IL31RA: variants seen among roughly 807,000 people sequenced by gnomAD.
IL31RA encodes interleukin-31 receptor subunit alpha.
A neutral mutation model predicts 83.7 loss-of-function variants in IL31RA; 66 were observed. The observed-to-expected ratio is 0.79, with a 90% CI of 0.65 to 0.97. The LOEUF is 0.97. Among genes scored for constraint, IL31RA ranks in the 50% least tolerant of loss-of-function variants. The pLI is 0.00. For missense variants in IL31RA, 798 were observed against 919.4 expected (o/e 0.87, Z 1.71); for synonymous variants, 325 against 329.0 (o/e 0.99, Z 0.13).
In IL31RA at chr5:55,907,380, G is replaced by C. The variant is rs918754069; in HGVS notation, c.1274G>C (p.Cys425Ser). 1 of 1,612,740 alleles carries C rather than the reference G, an allele frequency of 6.2e-7. No individual in the cohort carries two copies. Among genetic ancestry groups the C allele is most frequent in the Non-Finnish European group, 8.5e-7 (1 of 1,178,940 alleles). Residue 425 changes from cysteine (C) to serine (S), a missense_variant, in exon 10 of 15, where the codon TGC (cysteine) becomes TCC (serine). Cys to Ser is a moderately radical substitution (Grantham distance 112). Coordinates refer to ENST00000652347, the MANE Select transcript of IL31RA (RefSeq NM_139017.7). Reference sequence around the variant, plus strand: ...ACAGATAAATTAAAACCTTTCTGGTGCTATAACATCTCTGTGTATCCAATG... The same window carrying C: ...ACAGATAAATTAAAACCTTTCTGGTCCTATAACATCTCTGTGTATCCAATG... ...IQQDKLKPFW[C>S]YNISVYPMLH...
chr5:55,850,700 C>A (rs920892150), upstream of IL31RA, among the ~76,000 whole-genome samples: 4 of 152,154 alleles, frequency 2.6e-5, no homozygotes, highest in East Asian at 3.8e-4. Context: ...AGATTTTCAA[C>A]CAATCTTATG....
the IL31RA span, among the ~76,000 whole-genome samples, chr5:55,841,456 T>C: frequency 1.3e-5 from 2 of 152,212 alleles, no homozygotes; most frequent in Admixed American, 6.5e-5. Context: ...GTTTATTGCA[T>C]TGATATAATA....
chr5:55,855,525 T>C (rs1159320931), intron 1 of IL31RA, among the ~76,000 whole-genome samples: 1 of 152,096 alleles, frequency 6.6e-6, no homozygotes, highest in East Asian at 1.9e-4. Flanking sequence ...CACGTAGTGG[T>C]ACATTCTTGT....
chr5:55,840,657 GC>G, the IL31RA span, among the ~76,000 whole-genome samples: 1 of 152,136 alleles, frequency 6.6e-6, no homozygotes, highest in Non-Finnish European at 1.5e-5. Flanking sequence ...CACCTTCTAA[GC>G]TTTGTATGTT....
At chr5:55,901,266 G>A (rs1000923394) in intron 8 of IL31RA, among the ~76,000 whole-genome samples, 7 of 152,180 alleles carry the variant, frequency 4.6e-5, no homozygotes, top group African/African-American at 9.7e-5. Context: ...ACAAATGCAC[G>A]TGTCATTGGG....
At chr5:55,843,007 A>T in the IL31RA span, among the ~76,000 whole-genome samples, 2 of 151,996 alleles carry the variant, frequency 1.3e-5, no homozygotes, top group African/African-American at 4.8e-5. Flanking sequence ...TGCTGCCCAA[A>T]TTCTTTAGGC....
At chr5:55,847,005 G>C (rs923550726), upstream of IL31RA, among the ~76,000 whole-genome samples, 1 of 151,158 alleles carries the variant, frequency 6.6e-6, no homozygotes. Flanking sequence ...AGCACTTTGG[G>C]AGGCTGAGGC....
rs149667796 is a variant in IL31RA at position 55,895,785 on chromosome 5, A to G, written c.773-565A>G. ...TTTCCTTTTTATTGGGCCATGGGAA[A>G]TAGGCACCTCAATGTGATTCTTTTT... On this transcript the variant is annotated intron_variant, in intron 6 of 14. Transcript: ENST00000652347. Among the ~76,000 whole-genome samples the G allele has an allele frequency of 1.2e-3, 187 of 152,324 alleles. 2 individuals are homozygous for G. The Middle Eastern group carries it at 0.014, about 11-fold the overall frequency.
intron 6 of IL31RA, among the ~76,000 whole-genome samples, chr5:55,896,099 CT>C (rs1303021773): frequency 9.2e-5 from 14 of 152,260 alleles, no homozygotes; most frequent in African/African-American, 3.1e-4. Flanking sequence ...GCCTATTATA[CT>C]TTTCCTTTAT....
At chr5:55,843,252 G>C in the IL31RA span, among the ~76,000 whole-genome samples, 1 of 152,192 alleles carries the variant, frequency 6.6e-6, no homozygotes, top group Non-Finnish European at 1.5e-5. Flanking sequence ...AATCATGGTG[G>C]AAAGAAAATT....
In IL31RA at chr5:55,869,181, C is replaced by T. The variant is rs370125955; in HGVS notation, c.272+273C>T. On this transcript the variant is annotated intron_variant, in intron 3 of 14. Coordinates refer to ENST00000652347, the MANE Select transcript of IL31RA (RefSeq NM_139017.7). ...GAAAAATCTGTTTATTTACTACACT[C>T]AACTATACCCTGCCTCTTTCCAGAA... is the stretch of plus-strand genomic sequence containing the variant. Among the ~76,000 whole-genome samples, 3 of 152,316 alleles carry T rather than the reference C, an allele frequency of 2.0e-5. No individual in the cohort carries two copies. In the East Asian group the frequency reaches 5.8e-4, roughly 29 times the overall value.
At chr5:55,902,009 T>C (rs1329600989) in intron 8 of IL31RA, among the ~76,000 whole-genome samples, 1 of 152,224 alleles carries the variant, frequency 6.6e-6, no homozygotes, top group African/African-American at 2.4e-5. Flanking sequence ...TTTAAAGTTA[T>C]GCTAAATTCA....
chr5:55,890,878 C>T (rs1747945875), intron 6 of IL31RA, among the ~76,000 whole-genome samples: 1 of 152,180 alleles, frequency 6.6e-6, no homozygotes, highest in Non-Finnish European at 1.5e-5. Flanking sequence ...GCAACGCTTC[C>T]AGTCAGTGGC....
In IL31RA at chr5:55,910,939, G is replaced by T. The variant is rs113320760; in HGVS notation, c.1642+267G>T. ...AGCCACAAATCATCTGGAGGAGGAGGTGTCAAATTAATGCCAACTTCAGTC... is the reference window on the plus strand; with the variant it reads ...AGCCACAAATCATCTGGAGGAGGAGTTGTCAAATTAATGCCAACTTCAGTC... On this transcript the variant is annotated intron_variant, in intron 12 of 14. Transcript: ENST00000652347. Among the ~76,000 whole-genome samples the T allele has an allele frequency of 8.6e-3, 1,303 of 152,270 alleles. 18 individuals are homozygous for T. Among genetic ancestry groups the T allele is most frequent in the African/African-American group, 0.03 (1,232 of 41,544 alleles).
At chr5:55,884,888 C>G (rs1747487902) in intron 5 of IL31RA, among the ~76,000 whole-genome samples, 1 of 152,156 alleles carries the variant, frequency 6.6e-6, no homozygotes, top group Non-Finnish European at 1.5e-5. Context: ...TTGGTCTTAT[C>G]TATCATTCCA....
the IL31RA span, among the ~76,000 whole-genome samples, chr5:55,844,032 G>A: frequency 0.07 from 10,668 of 151,770 alleles, 554 homozygotes; most frequent in African/African-American, 0.15. Context: ...TTTTATTTTA[G>A]AATCATGGGG....
chr5:55,839,996 C>A, the IL31RA span: 2 of 546,238 alleles, frequency 3.7e-6, no homozygotes, highest in East Asian at 3.4e-5. Flanking sequence ...TCAACATAAA[C>A]CCCTCGCCAC....
At chr5:55,911,979 C>A (rs1021351654) in intron 12 of IL31RA, among the ~76,000 whole-genome samples, 25 of 152,264 alleles carry the variant, frequency 1.6e-4, no homozygotes, top group Non-Finnish European at 2.8e-4. Flanking sequence ...GATGGACTAA[C>A]ATTGCCCTCT....
chr5:55,842,482 C>T, the IL31RA span, among the ~76,000 whole-genome samples: 1 of 152,170 alleles, frequency 6.6e-6, no homozygotes, highest in South Asian at 2.1e-4. Context: ...TGTTCCACAC[C>T]TCTACCAGGA....
Sources: allele counts gnomAD v4.1 joint callset (sites outside exome capture counted in the v4.1 genomes callset), GRCh38; gene constraint gnomAD v4.1.1; transcripts MANE v1.5; gene names NCBI Gene and HGNC (gene_info 2026-07-23, HGNC 2026-07-21).